Variants in HDAC9 observed in about 807,000 individuals in gnomAD.
The protein encoded by HDAC9 is histone deacetylase 9, also known as MEF-2 interacting transcription repressor (MITR) protein.
Under a neutral mutation model 139.4 loss-of-function variants are expected in HDAC9, and 41 were observed. The observed-to-expected ratio is 0.29, with a 90% CI of 0.23 to 0.38. The LOEUF is 0.38. Ranked by LOEUF, HDAC9 falls within the 10% of genes least tolerant of loss-of-function variation. The pLI, the probability that HDAC9 is intolerant of heterozygous loss-of-function variation, is 1.00. For synonymous variants in HDAC9, 517 were observed against 476.2 expected (o/e 1.09, Z -1.12); for missense variants, 1,147 against 1,297.0 (o/e 0.88, Z 1.78).
At position 18,647,772 on chromosome 7, in the gene HDAC9, T is replaced by C; in HGVS notation, c.1036-13T>C. On this transcript the variant is annotated splice_polypyrimidine_tract_variant and intron_variant, in intron 9 of 25. Coordinates refer to ENST00000686413, the MANE Select transcript of HDAC9 (RefSeq NM_178425.4). Reference sequence around the variant, plus strand: ...TGAAAGAGGATTAACATCTTTGTTATTTCTCAACACAGGCTTCGAATTCAC... The same window carrying C: ...TGAAAGAGGATTAACATCTTTGTTACTTCTCAACACAGGCTTCGAATTCAC... 2.5e-6 allele frequency: 4 copies of C among 1,592,032 alleles called. No individual in the cohort carries two copies. The highest frequency in any genetic ancestry group is 3.4e-6 in the Non-Finnish European group (4 of 1,168,220).
chr7:18,732,290 A>G (rs1050506088), intron 13 of HDAC9, among the ~76,000 whole-genome samples: 1 of 152,188 alleles, frequency 6.6e-6, no homozygotes, highest in Non-Finnish European at 1.5e-5. Flanking sequence ...GTCACTCATT[A>G]TTCTCCCACT....
chr7:18,909,833 C>T (rs890681302), intron 22 of HDAC9, among the ~76,000 whole-genome samples: 5 of 151,898 alleles, frequency 3.3e-5, no homozygotes, highest in African/African-American at 9.7e-5. Context: ...TTTTATGCCA[C>T]TGCCAAGATA....
chr7:18,236,967 GT>G (rs1442840739), intron 2 of HDAC9, among the ~76,000 whole-genome samples: 1 of 152,168 alleles, frequency 6.6e-6, no homozygotes, highest in Non-Finnish European at 1.5e-5. Flanking sequence ...GACTTTCTCA[GT>G]TTTAACAAAG....
At chr7:18,515,156 A>G (rs1468984697) in intron 2 of HDAC9, among the ~76,000 whole-genome samples, 4 of 152,174 alleles carry the variant, frequency 2.6e-5, no homozygotes, top group East Asian at 3.8e-4. Flanking sequence ...TACACCTACT[A>G]TGGTGATATT....
At chr7:18,677,320 G>T (rs1348360992) in intron 12 of HDAC9, among the ~76,000 whole-genome samples, 1 of 151,624 alleles carries the variant, frequency 6.6e-6, no homozygotes, top group Non-Finnish European at 1.5e-5. Context: ...CCAGTGATAT[G>T]GTCCTGTTTA....
At chr7:18,292,744 G>T (rs1469833912) in intron 1 of HDAC9, among the ~76,000 whole-genome samples, 1 of 152,152 alleles carries the variant, frequency 6.6e-6, no homozygotes, top group Admixed American at 6.6e-5. Context: ...ATGGAGTGCT[G>T]TTGTAAAACA....
intron 16 of HDAC9, among the ~76,000 whole-genome samples, chr7:18,769,945 C>G (rs1790147018): frequency 6.6e-6 from 1 of 152,060 alleles, no homozygotes; most frequent in African/African-American, 2.4e-5. Context: ...TCAGTGATCC[C>G]CAATTGTTAA....
intron 2 of HDAC9, among the ~76,000 whole-genome samples, chr7:18,222,522 A>C (rs1792775348): frequency 6.6e-6 from 1 of 152,152 alleles, no homozygotes; most frequent in Admixed American, 6.5e-5. Flanking sequence ...TAAATGTTTA[A>C]AAGTATTGAA....
At chr7:18,687,430 A>T (rs2129094751) in intron 12 of HDAC9, among the ~76,000 whole-genome samples, 1 of 152,020 alleles carries the variant, frequency 6.6e-6, no homozygotes, top group South Asian at 2.1e-4. Flanking sequence ...CAATATTTTT[A>T]TGTTATAATT....
intron 8 of HDAC9, among the ~76,000 whole-genome samples, chr7:18,640,357 T>TTA (rs1182761789): frequency 0.016 from 1,063 of 66,088 alleles, 18 homozygotes; most frequent in Middle Eastern, 0.081. Context: ...GATCCTGTCT[T>TTA]AAAAAAAAAA....
chr7:18,615,341 T>C (rs1838273560), intron 6 of HDAC9, among the ~76,000 whole-genome samples: 1 of 152,172 alleles, frequency 6.6e-6, no homozygotes, highest in Non-Finnish European at 1.5e-5. Flanking sequence ...TTTGGCTTAA[T>C]AATATCTCAA....
chr7:18,199,754 C>CAAA lies in HDAC9; in HGVS notation c.25+37428_25+37430dup, dbSNP rs59883693. Among the ~76,000 whole-genome samples the CAAA allele has an allele frequency of 3.9e-4, 22 of 55,706 alleles. 1 individual carries two copies. The highest frequency in any genetic ancestry group is 7.4e-4 in the African/African-American group (10 of 13,514). 36.5% of individuals were successfully genotyped at this position (55,706 alleles called of 152,430 possible). ...CAACATAGTGAAGTCATGTGTCTAC[C>CAAA]AAAAAAAAAAAAAAAAAAAAAAAAA... On this transcript the variant is annotated intron_variant, in intron 2 of 12. Transcript: ENST00000417496.
intron 21 of HDAC9, among the ~76,000 whole-genome samples, chr7:18,859,598 C>T (rs1349787131): frequency 6.6e-6 from 1 of 150,868 alleles, no homozygotes; most frequent in Non-Finnish European, 1.5e-5. Flanking sequence ...AAGGCCACAT[C>T]AAAAGGTAGA....
chr7:19,001,565 A>T lies in HDAC9; in HGVS notation c.*5503A>T, dbSNP rs368535146. ...GGAGTAATTAAAAAAAAAAACAAAA[A>T]ACAGAGAAGAATTGCAAAATCTGAA... On this transcript the variant is annotated 3_prime_UTR_variant, in exon 26 of 26. Transcript: ENST00000686413. 46 of 151,746 alleles carry T rather than the reference A, an allele frequency of 3.0e-4. 1 individual carries two copies. The highest frequency in any genetic ancestry group is 1.1e-3 in the African/African-American group (46 of 41,274). The allele number at this position is 151,746 out of a possible 1,614,324, so 9.4% of individuals were successfully genotyped here. A position where few individuals can be genotyped will look rare whatever the true frequency, so the allele number is the denominator to read the frequency against.
chr7:18,760,286 A>G (rs1789268486), intron 14 of HDAC9, among the ~76,000 whole-genome samples: 1 of 152,142 alleles, frequency 6.6e-6, no homozygotes, highest in South Asian at 2.1e-4. Context: ...ACCCCCTGAA[A>G]TCTCACAGTT....
At chr7:18,215,860 A>C (rs1792272344) in intron 2 of HDAC9, among the ~76,000 whole-genome samples, 1 of 152,154 alleles carries the variant, frequency 6.6e-6, no homozygotes, top group Admixed American at 6.6e-5. Context: ...TGTTTTTGTC[A>C]ATCATATAAA....
At chr7:18,954,884 C>G (rs1783041725) in intron 24 of HDAC9, among the ~76,000 whole-genome samples, 1 of 152,054 alleles carries the variant, frequency 6.6e-6, no homozygotes, top group Non-Finnish European at 1.5e-5. Context: ...TTATTAAGTG[C>G]CACTTAAGAA....
intron 2 of HDAC9, among the ~76,000 whole-genome samples, chr7:18,279,617 C>T (rs1388423274): frequency 6.6e-6 from 1 of 151,958 alleles, no homozygotes; most frequent in Non-Finnish European, 1.5e-5. Context: ...AGGCGCCCGC[C>T]ACCACAGCTG....
intron 6 of HDAC9, among the ~76,000 whole-genome samples, chr7:18,603,813 G>C (rs1834635516): frequency 6.6e-6 from 1 of 151,930 alleles, no homozygotes; most frequent in South Asian, 2.1e-4. Flanking sequence ...AACATTTCTT[G>C]TATGGCAGGC....
Sources: gnomAD v4.1 joint callset for allele counts (sites outside exome capture counted in the v4.1 genomes callset) on GRCh38, gnomAD v4.1.1 for gene constraint, MANE v1.5 for transcripts, NCBI Gene and HGNC (gene_info 2026-07-23, HGNC 2026-07-21) for gene names.